BAHCC1: variants seen among roughly 807,000 people sequenced by gnomAD.
The protein encoded by BAHCC1 is BAH and coiled-coil domain-containing protein 1.
Under a neutral mutation model 88.2 loss-of-function variants are expected in BAHCC1, and 43 were observed. The observed-to-expected ratio is 0.49, with a 90% CI of 0.38 to 0.63. BAHCC1 has a LOEUF of 0.63. BAHCC1 is among the 20% of genes least tolerant of loss of function. The probability of loss-of-function intolerance (pLI) is 0.00; values close to 1 mark genes in which losing one functional copy is unlikely to be tolerated. For missense variants in BAHCC1, 3,023 were observed against 1,654.8 expected, an observed-to-expected ratio of 1.83 and a Z score of -14.34; for synonymous variants, 1,510 against 745.5, an observed-to-expected ratio of 2.03 and a Z score of -16.71.
chr17:81,433,818 G>A (rs781912693), intron 3 of BAHCC1, among the ~76,000 whole-genome samples: 13 of 152,244 alleles, frequency 8.5e-5, no homozygotes, highest in Non-Finnish European at 1.5e-4. Context: ...ATGCGGACAG[G>A]GTTTCAGAAT....
chr17:81,415,298 C>T (rs968029594), intron 2 of BAHCC1, among the ~76,000 whole-genome samples: 2 of 152,238 alleles, frequency 1.3e-5, no homozygotes, highest in Non-Finnish European at 2.9e-5. Flanking sequence ...CTCTTGGGGT[C>T]GCAGCAGGGT....
At chr17:81,455,873 T>G (rs2064739739) in intron 15 of BAHCC1, among the ~76,000 whole-genome samples, 1 of 152,226 alleles carries the variant, frequency 6.6e-6, no homozygotes. Context: ...GCACAACAGC[T>G]GCCTCCTGCC....
intron 2 of BAHCC1, among the ~76,000 whole-genome samples, chr17:81,418,606 C>T (rs1194227211): frequency 2.0e-5 from 3 of 152,142 alleles, no homozygotes; most frequent in Non-Finnish European, 4.4e-5. Context: ...CAGCGGAGGC[C>T]AAGAGCCCTT....
At position 81,411,259 on chromosome 17, in the gene BAHCC1, C is replaced by T. The variant is rs1387122944; in HGVS notation, c.178+11342C>T. 1 of 488,332 alleles carries T rather than the reference C, an allele frequency of 2.0e-6. No homozygotes were observed. Among genetic ancestry groups the T allele is most frequent in the African/African-American group, 2.0e-5 (1 of 51,280 alleles). The allele number at this position is 488,332 out of a possible 1,614,324, so 30.2% of individuals were successfully genotyped here. ...TCGCCACCCCCAGTTGAGCAGCTCC[C>T]CTTCTCGGCAGCTCCCAAACCCTGA... On this transcript the variant is annotated intron_variant, in intron 2 of 27. Transcript: ENST00000675386. This position sits in a 1 kb window ranked among gnomAD's most constrained non-coding sequence, Gnocchi z 6.2.
At chr17:81,459,731 G>A (rs1312578213) in intron 23 of BAHCC1, 127 bp downstream of exon 23, 6 of 385,240 alleles carry the variant, frequency 1.6e-5, no homozygotes, top group Middle Eastern at 7.7e-4. Flanking sequence ...GACAGAGTAC[G>A]ACAATAAAAT....
At chr17:81,457,188 A>G (rs1405763149) in intron 16 of BAHCC1, among the ~76,000 whole-genome samples, 1 of 152,034 alleles carries the variant, frequency 6.6e-6, no homozygotes, top group Non-Finnish European at 1.5e-5. Flanking sequence ...AGGGTATAAG[A>G]AAAAAACACC....
intron 3 of BAHCC1, among the ~76,000 whole-genome samples, chr17:81,433,426 G>A (rs2064292696): frequency 6.6e-6 from 1 of 151,662 alleles, no homozygotes; most frequent in Non-Finnish European, 1.5e-5. Context: ...TCACTGCTGA[G>A]GCCCCTCCTG....
At chr17:81,423,568 CCCCAGGTTCCTGGAATGGT>C (rs1336432095) in intron 2 of BAHCC1, among the ~76,000 whole-genome samples, 64 of 152,356 alleles carry the variant, frequency 4.2e-4, no homozygotes, top group African/African-American at 1.3e-3. Context: ...AGGCCCCCCG[CCCCAGGTTCCTGGAATGGT>C]CCCAGGCCAG....
chr17:81,412,524 G>A (rs2063966954), intron 2 of BAHCC1, among the ~76,000 whole-genome samples: 1 of 152,210 alleles, frequency 6.6e-6, no homozygotes, highest in South Asian at 2.1e-4. Flanking sequence ...GAGGCGGCTG[G>A]GGGTCAGAGA....
chr17:81,451,804 C>T lies in BAHCC1; in HGVS notation c.4113C>T (p.Gly1371=), dbSNP rs2064640128. The part of the protein sequence containing the change: ...AQPPTANPCS[G]PRLTPRMQIL... Reference sequence around the variant, plus strand: ...CGCCCACAGCCAACCCCTGCAGCGGCCCCAGGCTCACCCCCCGCATGCAGA... The same window carrying T: ...CGCCCACAGCCAACCCCTGCAGCGGTCCCAGGCTCACCCCCCGCATGCAGA... Residue 1371 remains glycine, a synonymous_variant, in exon 12 of 28, where the codon GGC becomes GGT. Transcript: ENST00000675386. 1.3e-6 allele frequency: 1 copy of T among 760,448 alleles called. No homozygotes were observed. The highest frequency in any genetic ancestry group is 2.4e-5 in the East Asian group (1 of 40,880). The allele number at this position is 760,448 out of a possible 1,614,324, so 47.1% of individuals were successfully genotyped here.
In BAHCC1 at chr17:81,452,825, C is replaced by T. The variant is rs782729107; in HGVS notation, c.4419C>T (p.Leu1473=). ...CTGCCCCACGTCCCACGGGGCCGCT[C>T]CCCAGGAGCGATGGCAAGAAAGTCA... is the stretch of plus-strand genomic sequence containing the variant. ...SLPAPRPTGP[L]PRSDGKKVKA... Residue 1473 remains leucine (L), a synonymous_variant, in exon 14 of 28, where the codon CTC becomes CTT. Coordinates refer to ENST00000675386, the MANE Select transcript of BAHCC1 (RefSeq NM_001377448.1). 6.7e-6 allele frequency: 5 copies of T among 748,284 alleles called. No homozygotes were observed. The highest frequency in any genetic ancestry group is 5.7e-5 in the South Asian group (4 of 70,552). The allele number at this position is 748,284 out of a possible 1,614,324, so 46.4% of individuals were successfully genotyped here.
chr17:81,463,730 C>T lies in BAHCC1; in HGVS notation c.7740C>T (p.Asp2580=). 1 of 779,136 alleles carries T rather than the reference C, an allele frequency of 1.3e-6. No homozygotes were observed. Among genetic ancestry groups the T allele is most frequent in the Non-Finnish European group, 2.4e-6 (1 of 417,788 alleles). 48.3% of individuals were successfully genotyped at this position (779,136 alleles called of 1,614,324 possible). A position where few individuals can be genotyped will look rare whatever the true frequency, so the allele number is the denominator to read the frequency against. Residue 2580 remains aspartate, a synonymous_variant, in exon 28 of 28, where the codon GAC becomes GAT. Transcript: ENST00000675386. ...TGGCCCGGAGCCGCAAGTGCCAGGA[C>T]CGGCAGGACCTCTACTACCTGGCGG... ...EQMARSRKCQ[D]RQDLYYLAGT...
At chr17:81,397,601 G>T (rs1555645126) in intron 1 of BAHCC1, among the ~76,000 whole-genome samples, 2 of 151,976 alleles carry the variant, frequency 1.3e-5, no homozygotes, top group African/African-American at 2.4e-5. Context: ...GGGAGGCGCC[G>T]GCCGGGGCTG....
At chr17:81,426,447 G>A (rs1331819790) in intron 2 of BAHCC1, among the ~76,000 whole-genome samples, 1 of 53,682 alleles carries the variant, frequency 1.9e-5, no homozygotes, top group Non-Finnish European at 3.4e-5. Flanking sequence ...GTGGTTGGGG[G>A]TGATGTGGGT....
Position 81,445,056 on chromosome 17 carries a change from G to A in BAHCC1, c.2713G>A (p.Gly905Arg), listed in dbSNP as rs782179205. ...DQASLWPPMY[G>R]GRGPASHMQH... ...GGCGTCACTGTGGCCCCCCATGTAC[G>A]GGGGCCGGGGCCCCGCCTCTCACAT... Residue 905 changes from glycine to arginine, a missense_variant, in exon 9 of 28, where the codon GGG (glycine) becomes AGG (arginine). Physicochemically the swap from Gly to Arg is moderately radical, Grantham distance 125. Coordinates refer to ENST00000675386, the MANE Select transcript of BAHCC1 (RefSeq NM_001377448.1). The A allele has an allele frequency of 1.6e-5, 12 of 765,478 alleles. No homozygotes were observed. Among genetic ancestry groups the A allele is most frequent in the East Asian group, 1.5e-4 (6 of 40,518 alleles). The allele number at this position is 765,478 out of a possible 1,614,324, so 47.4% of individuals were successfully genotyped here. A position where few individuals can be genotyped will look rare whatever the true frequency, so the allele number is the denominator to read the frequency against.
chr17:81,397,299 G>A (rs1176180287), intron 1 of BAHCC1, among the ~76,000 whole-genome samples: 1 of 152,094 alleles, frequency 6.6e-6, no homozygotes, highest in Non-Finnish European at 1.5e-5. Context: ...GCCCGCAGGG[G>A]GTGGGAGATT....
chr17:81,458,387 G>A lies in BAHCC1; in HGVS notation c.5264G>A (p.Arg1755His), dbSNP rs528505940. The A allele has an allele frequency of 1.5e-4, 113 of 740,382 alleles. 1 individual carries two copies. The highest frequency in any genetic ancestry group is 4.1e-4 in the Admixed American group (22 of 54,018). 45.9% of individuals were successfully genotyped at this position (740,382 alleles called of 1,614,324 possible). ...AACCCCTCTCGGGCCTTCGCCTGCC[G>A]TGAGGAGGGCAGCCAGCTGGCCAGT... is the stretch of plus-strand genomic sequence containing the variant. ...LFNPSRAFAC[R>H]EEGSQLASER... Residue 1755 changes from arginine to histidine, a missense_variant, in exon 18 of 28, where the codon CGT (arginine) becomes CAT (histidine). Arg to His is a conservative substitution (Grantham distance 29). Coordinates refer to ENST00000675386, the MANE Select transcript of BAHCC1 (RefSeq NM_001377448.1).
At chr17:81,463,545 T>A in intron 27 of BAHCC1, 66 bp from the exon 28 acceptor site, 1 of 767,052 alleles carries the variant, frequency 1.3e-6, no homozygotes, top group Non-Finnish European at 2.4e-6. Flanking sequence ...CGGGTGGTCT[T>A]TCCTGGCTGG....
rs181581106 is a variant in BAHCC1 at position 81,435,789 on chromosome 17, G to A, written c.359-2581G>A. Among the ~76,000 whole-genome samples the A allele has an allele frequency of 6.2e-4, 92 of 148,424 alleles. No individual in the cohort carries two copies. Among genetic ancestry groups the A allele is most frequent in the African/African-American group, 1.7e-3 (67 of 40,144 alleles). ...CAGGATGCCTGTGTGTCCCCGGCCC[G>A]GCCGCAGCAGCCCTGCCTTCCCCCA... On this transcript the variant is annotated intron_variant, in intron 3 of 27. Coordinates refer to ENST00000675386, the MANE Select transcript of BAHCC1 (RefSeq NM_001377448.1). The surrounding 1 kb of genome is among the most constrained non-coding windows in gnomAD (Gnocchi z 4.4).
Sources: allele counts gnomAD v4.1 joint callset (sites outside exome capture counted in the v4.1 genomes callset), GRCh38; gene constraint gnomAD v4.1.1; non-coding constraint Gnocchi (gnomAD v3.1); transcripts MANE v1.5; gene names NCBI Gene and HGNC (gene_info 2026-07-23, HGNC 2026-07-21).